The following ABCA9 variants were observed in gnomAD, a reference collection of about 807,000 sequenced individuals.
ABCA9 encodes ATP binding cassette subfamily A member 9.
Under a neutral mutation model 205.3 loss-of-function variants are expected in ABCA9, and 183 were observed. The ratio of observed to expected loss-of-function variants is 0.89; its 90% confidence interval spans 0.79 to 1.01. The LOEUF (loss-of-function observed/expected upper bound fraction) is 1.01. Among genes scored for constraint, ABCA9 ranks in the 50% least tolerant of loss-of-function variants. The pLI, the probability that ABCA9 is intolerant of heterozygous loss-of-function variation, is 0.00. For missense variants in ABCA9, 1,805 were observed against 1,912.4 expected (o/e 0.94, Z 1.05); for synonymous variants, 651 against 683.3 (o/e 0.95, Z 0.74).
At chr17:69,004,168 C>A (rs1390796841) in intron 25 of ABCA9, among the ~76,000 whole-genome samples, 1 of 152,218 alleles carries the variant, frequency 6.6e-6, no homozygotes, top group Non-Finnish European at 1.5e-5. Flanking sequence ...TGAGGAGCTG[C>A]ACTCCTTTGG....
At chr17:69,064,739 C>G (rs1469932918), upstream of ABCA9, among the ~76,000 whole-genome samples, 3 of 152,180 alleles carry the variant, frequency 2.0e-5, no homozygotes, top group South Asian at 2.1e-4. Context: ...TGTGTCAAAA[C>G]TAGACATTAT....
chr17:69,003,219 T>C (rs1292971357), intron 25 of ABCA9, among the ~76,000 whole-genome samples: 2 of 152,196 alleles, frequency 1.3e-5, no homozygotes, highest in Admixed American at 1.3e-4. Context: ...GTCTCGATGG[T>C]CTTTACATTT....
intron 25 of ABCA9, among the ~76,000 whole-genome samples, chr17:69,003,833 CT>C (rs900123938): frequency 9.2e-5 from 14 of 152,148 alleles, no homozygotes; most frequent in African/African-American, 3.4e-4. Context: ...ATTCTTTTTT[CT>C]CTAAACTTCC....
In ABCA9 at chr17:69,023,542, T is replaced by G. The variant is rs2070887773; in HGVS notation, c.2281+672A>C. On this transcript the variant is annotated intron_variant, in intron 17 of 38. Transcript: ENST00000340001. This position sits in a 1 kb window ranked among gnomAD's most constrained non-coding sequence, Gnocchi z 4.2. ...ACCAAGGTTATGTCATGCTTATTGA[T>G]TCAAGCATGCAGCAATGGCCCCGGT... Among the ~76,000 whole-genome samples, 1 of 152,214 alleles carries G rather than the reference T, an allele frequency of 6.6e-6. No individual in the cohort carries two copies. Among genetic ancestry groups the G allele is most frequent in the South Asian group, 2.1e-4 (1 of 4,820 alleles).
chr17:69,037,606 GA>G (rs2071387996), intron 6 of ABCA9, among the ~76,000 whole-genome samples: 4 of 152,128 alleles, frequency 2.6e-5, no homozygotes, highest in African/African-American at 9.7e-5. Flanking sequence ...GCCCACAGGA[GA>G]AAACGGGAAA....
At position 69,037,077 on chromosome 17, in the gene ABCA9, G is replaced by A. The variant is rs2071368580; in HGVS notation, c.801-1276C>T. Among the ~76,000 whole-genome samples, 8 of 152,072 alleles carry A rather than the reference G, an allele frequency of 5.3e-5. No individual in the cohort carries two copies. In the South Asian group the frequency reaches 1.7e-3, roughly 32 times the overall value. ...CAGATTCATAAAGCAAGTTCTTAGA[G>A]ACCTACAAAGACACTTAGACTCTGA... On this transcript the variant is annotated intron_variant, in intron 6 of 38. Coordinates refer to ENST00000340001, the MANE Select transcript of ABCA9 (RefSeq NM_080283.4).
At chr17:69,065,182 T>C (rs961981655), upstream of ABCA9, among the ~76,000 whole-genome samples, 2 of 152,228 alleles carry the variant, frequency 1.3e-5, no homozygotes, top group Admixed American at 6.5e-5. Context: ...TTGTGTTCAC[T>C]TGCAATCAAA....
intron 6 of ABCA9, among the ~76,000 whole-genome samples, chr17:69,037,036 C>T (rs2071366462): frequency 6.6e-6 from 1 of 151,804 alleles, no homozygotes; most frequent in Non-Finnish European, 1.5e-5. Flanking sequence ...ATATAGGCAC[C>T]CAATACAGGA....
chr17:68,989,256 TCACACACACACACACACA>T (rs71293542), intron 30 of ABCA9, 138 bp from the exon 31 acceptor site: 9 of 242,996 alleles, frequency 3.7e-5, no homozygotes, highest in Non-Finnish European at 6.6e-5. Context: ...TCTCTCTCTC[TCACACACACACACACACA>T]CACACACACA....
the ABCA9 span, among the ~76,000 whole-genome samples, chr17:69,073,414 G>C: frequency 1.3e-5 from 2 of 152,210 alleles, no homozygotes; most frequent in Non-Finnish European, 2.9e-5. Flanking sequence ...TCAGAAGACA[G>C]TGCAATCAAA....
At chr17:69,035,618 G>A (rs145329497) in intron 7 of ABCA9, 42 bp downstream of exon 7, 1 of 1,604,488 alleles carries the variant, frequency 6.2e-7, no homozygotes, top group Non-Finnish European at 8.5e-7. Context: ...AGTAGAGAGA[G>A]AGAAAGAGAA....
Position 69,045,249 on chromosome 17 carries a change from G to T in ABCA9, c.392C>A (p.Thr131Asn). 1 of 1,613,260 alleles carries T rather than the reference G, an allele frequency of 6.2e-7. No homozygotes were observed. The highest frequency in any genetic ancestry group is 8.5e-7 in the Non-Finnish European group (1 of 1,179,614). The change falls in exon 4 of 39, where the codon ACT (threonine) becomes AAT (asparagine). Residue 131 changes from threonine (T) to asparagine (N), a missense_variant. Thr to Asn is a moderately conservative substitution (Grantham distance 65, BLOSUM62 0). Coordinates refer to ENST00000340001, the MANE Select transcript of ABCA9 (RefSeq NM_080283.4). ...CTTCAAATGGTAGGAGAAGGTATCA[G>T]TAAAGATGACTCTCACTGCGTCTAT... is the stretch of plus-strand genomic sequence containing the variant. Reference protein sequence around the residue: ...YSIDAVRVIFTDTFSYHLKFS... With the variant: ...YSIDAVRVIFNDTFSYHLKFS...
intron 21 of ABCA9, among the ~76,000 whole-genome samples, chr17:69,016,816 A>T (rs2070633797): frequency 1.3e-5 from 2 of 152,008 alleles, no homozygotes; most frequent in Admixed American, 6.6e-5. Flanking sequence ...GGTTTTCATA[A>T]ATCCTGTGCT....
intron 1 of ABCA9, among the ~76,000 whole-genome samples, chr17:69,057,868 G>A (rs1488281855): frequency 6.6e-6 from 1 of 151,968 alleles, no homozygotes. Context: ...AAACAATAAA[G>A]TATAACAATT....
intron 25 of ABCA9, among the ~76,000 whole-genome samples, chr17:69,001,147 T>C (rs11656110): frequency 0.68 from 102,505 of 149,664 alleles, 35,594 homozygotes; most frequent in Middle Eastern, 0.74. Context: ...CCAGAACGTC[T>C]AACACTATGT....
At chr17:69,000,056 T>G (rs573573048) in intron 25 of ABCA9, among the ~76,000 whole-genome samples, 2,777 of 151,748 alleles carry the variant, frequency 0.018, 67 homozygotes, top group African/African-American at 0.062. Context: ...GTTGCGAAAA[T>G]TTTCTCCCAT....
chr17:68,979,141 T>C lies in ABCA9; in HGVS notation c.4721-2951A>G, dbSNP rs181059972. On this transcript the variant is annotated intron_variant, in intron 37 of 38. Coordinates refer to ENST00000340001, the MANE Select transcript of ABCA9 (RefSeq NM_080283.4). ...AGTCACAAGCATTCTTATACACCAATAACAGACAAACAGCCAAATCATGAG... is the reference window on the plus strand; with the variant it reads ...AGTCACAAGCATTCTTATACACCAACAACAGACAAACAGCCAAATCATGAG... Among the ~76,000 whole-genome samples the C allele has an allele frequency of 3.7e-3, 559 of 152,204 alleles. 3 individuals are homozygous for C. Among genetic ancestry groups the C allele is most frequent in the African/African-American group, 0.012 (494 of 41,534 alleles).
At chr17:69,000,378 T>C (rs2069810935) in intron 25 of ABCA9, among the ~76,000 whole-genome samples, 1 of 151,976 alleles carries the variant, frequency 6.6e-6, no homozygotes, top group East Asian at 1.9e-4. Flanking sequence ...ATTTATTAAA[T>C]AGGGAATCCT....
chr17:69,032,196 C>T lies in ABCA9; in HGVS notation c.1357G>A (p.Val453Ile), dbSNP rs1376481024. The change falls in exon 10 of 39, where the codon GTC (valine) becomes ATC (isoleucine). Residue 453 changes from valine to isoleucine, a missense_variant. Physicochemically the swap from Val to Ile is conservative, Grantham distance 29 (BLOSUM62 3). Transcript: ENST00000340001. ...WFQHGRANHV[V>I]LENETDSDPT... ...TCAGAATCTGTTTCATTCTCAAGGA[C>T]CACATGATTAGCCCTTCCGTGTTGA... 6.2e-7 allele frequency: 1 copy of T among 1,613,932 alleles called. No homozygotes were observed. Among genetic ancestry groups the T allele is most frequent in the Non-Finnish European group, 8.5e-7 (1 of 1,179,888 alleles).
Sources: gnomAD v4.1 joint callset for allele counts (sites outside exome capture counted in the v4.1 genomes callset) on GRCh38, gnomAD v4.1.1 for gene constraint, Gnocchi (gnomAD v3.1) non-coding constraint, MANE v1.5 for transcripts, NCBI Gene and HGNC (gene_info 2026-07-23, HGNC 2026-07-21) for gene names.